Variants in EME2 observed in about 807,000 individuals in gnomAD.
EME2 encodes the protein essential meiotic structure-specific endonuclease subunit 2.
In EME2, 58 loss-of-function variants were observed where a neutral mutation model predicts 41.9. The observed-to-expected ratio is 1.38, with a 90% CI of 1.12 to 1.72. EME2 has a LOEUF of 1.72. Among genes scored for constraint, EME2 ranks in the 40% most tolerant of loss-of-function variants. The pLI is 0.00. For synonymous variants in EME2, 334 were observed against 239.3 expected (o/e 1.40, Z -3.65); for missense variants, 695 against 541.9 (o/e 1.28, Z -2.81).
At position 1,776,741 on chromosome 16, in the gene EME2, T is replaced by C. The variant is rs1247209534; in HGVS notation, c.*503T>C. 1.4e-5 allele frequency: 5 copies of C among 363,682 alleles called. No homozygotes were observed. Among genetic ancestry groups the C allele is most frequent in the Non-Finnish European group, 2.5e-5 (5 of 198,712 alleles). The allele number at this position is 363,682 out of a possible 1,614,324, so 22.5% of individuals were successfully genotyped here. ...TGTTAGACATCAACTCTACATTTAT[T>C]GCAGTCCTTTAAGTCTATGACGGCG... On this transcript the variant is annotated 3_prime_UTR_variant, in exon 8 of 8. Coordinates refer to ENST00000568449, the MANE Select transcript of EME2 (RefSeq NM_001257370.2).
At chr16:1,775,206 G>C (rs1165376776) in intron 4 of EME2, 74 bp downstream of exon 4, 4 of 1,589,054 alleles carry the variant, frequency 2.5e-6, no homozygotes, top group Admixed American at 3.3e-5. Context: ...CACTTCTGGG[G>C]TTGCTGTGGC....
chr16:1,775,575 G>A lies in EME2; in HGVS notation c.670G>A (p.Val224Ile). 6.2e-7 allele frequency: 1 copy of A among 1,612,820 alleles called. No homozygotes were observed. Among genetic ancestry groups the A allele is most frequent in the Non-Finnish European group, 8.5e-7 (1 of 1,179,932 alleles). Residue 224 changes from valine (V) to isoleucine (I), a missense_variant, in exon 6 of 8, where the codon GTA becomes ATA. Physicochemically the swap from Val to Ile is conservative, Grantham distance 29 (BLOSUM62 3). Transcript: ENST00000568449. ...VSWPEVEEAL[V>I]LLQLWANLDV... The stretch of plus-strand genomic sequence containing the variant: ...CAGCTTGCCTCCTCCCCAGGCCCTG[G>A]TACTCCTGCAGCTCTGGGCAAACCT...
Position 1,778,711 on chromosome 16 carries a change from G to A in EME2, c.*2473G>A. Reference sequence around the variant, plus strand: ...CCCACCCTGTCCCTGACCCACCCAGGAAAGGATGGGGGTCCAGGCCTCCAG... The same window carrying A: ...CCCACCCTGTCCCTGACCCACCCAGAAAAGGATGGGGGTCCAGGCCTCCAG... On this transcript the variant is annotated 3_prime_UTR_variant, in exon 8 of 8. Coordinates refer to ENST00000568449, the MANE Select transcript of EME2 (RefSeq NM_001257370.2). The A allele has an allele frequency of 7.4e-7, 1 of 1,360,088 alleles. No individual in the cohort carries two copies. Among genetic ancestry groups the A allele is most frequent in the Non-Finnish European group, 9.8e-7 (1 of 1,021,348 alleles). The allele number at this position is 1,360,088 out of a possible 1,614,324, so 84.3% of individuals were successfully genotyped here.
chr16:1,778,240 A>G lies in EME2; in HGVS notation c.*2002A>G. The stretch of plus-strand genomic sequence containing the variant: ...GGCCGCTGTGCCGCAGCTGTACTCC[A>G]TGTGGAAGCTGACCTTACGGTTGTC... On this transcript the variant is annotated 3_prime_UTR_variant, in exon 8 of 8. Transcript: ENST00000568449. 1.2e-6 allele frequency: 2 copies of G among 1,612,940 alleles called. No individual in the cohort carries two copies. The highest frequency in any genetic ancestry group is 1.7e-6 in the Non-Finnish European group (2 of 1,179,970).
Position 1,781,432 on chromosome 16 carries a change from C to A in EME2, c.*5194C>A, listed in dbSNP as rs772634511. On this transcript the variant is annotated 3_prime_UTR_variant, in exon 8 of 8. Coordinates refer to ENST00000568449, the MANE Select transcript of EME2 (RefSeq NM_001257370.2). ...GCCCGGGCATCTGCGTCTCGGCGGGCTGCACTCAGGACGAAGTGCCAGGCC... is the reference window on the plus strand; with the variant it reads ...GCCCGGGCATCTGCGTCTCGGCGGGATGCACTCAGGACGAAGTGCCAGGCC... The A allele has an allele frequency of 7.4e-6, 12 of 1,612,836 alleles. No individual in the cohort carries two copies. The South Asian group carries it at 1.3e-4, about 18-fold the overall frequency.
rs915013210 is a variant in EME2 at position 1,778,950 on chromosome 16, C to T, written c.*2712C>T. 1 of 222,214 alleles carries T rather than the reference C, an allele frequency of 4.5e-6. No individual in the cohort carries two copies. The highest frequency in any genetic ancestry group is 5.5e-5 in the Admixed American group (1 of 18,054). 13.8% of individuals were successfully genotyped at this position (222,214 alleles called of 1,614,324 possible). ...TGGTGTGGACACCTTCCCTGCTAGG[C>T]CAGCCCTGCAGGGGCCCCCAGGCAA... On this transcript the variant is annotated 3_prime_UTR_variant, in exon 8 of 8. Transcript: ENST00000568449.
At position 1,776,991 on chromosome 16, in the gene EME2, C is replaced by T. The variant is rs932343562; in HGVS notation, c.*753C>T. ...GAGATGGCTCCCTCCGGACGGGCCTCATCCAACTCCGCCCTGGAGTGTGGC... is the reference window on the plus strand; with the variant it reads ...GAGATGGCTCCCTCCGGACGGGCCTTATCCAACTCCGCCCTGGAGTGTGGC... On this transcript the variant is annotated 3_prime_UTR_variant, in exon 8 of 8. Transcript: ENST00000568449. 3 of 1,343,366 alleles carry T rather than the reference C, an allele frequency of 2.2e-6. No homozygotes were observed. The highest frequency in any genetic ancestry group is 2.9e-5 in the African/African-American group (2 of 68,878). 83.2% of individuals were successfully genotyped at this position (1,343,366 alleles called of 1,614,324 possible).
rs1470995690 is a variant in EME2 at position 1,780,257 on chromosome 16, A to G, written c.*4019A>G. The G allele has an allele frequency of 2.0e-5, 3 of 152,396 alleles. No homozygotes were observed. The highest frequency in any genetic ancestry group is 3.8e-4 in the East Asian group (2 of 5,200). 9.4% of individuals were successfully genotyped at this position (152,396 alleles called of 1,614,324 possible). ...GCCAGGAGAGACTGCTCCAGGGCACATGACCTGTGGTAGCTGGAAGTGGGG... is the reference window on the plus strand; with the variant it reads ...GCCAGGAGAGACTGCTCCAGGGCACGTGACCTGTGGTAGCTGGAAGTGGGG... On this transcript the variant is annotated 3_prime_UTR_variant, in exon 8 of 8. Coordinates refer to ENST00000568449, the MANE Select transcript of EME2 (RefSeq NM_001257370.2).
rs762398996 is a variant in EME2 at position 1,773,440 on chromosome 16, G to A, written c.213G>A (p.Gln71=). 3.8e-6 allele frequency: 6 copies of A among 1,572,400 alleles called. No homozygotes were observed. The South Asian group carries it at 5.7e-5, about 15-fold the overall frequency. The change falls in exon 1 of 8, where the codon CAG becomes CAA. Residue 71 remains glutamine, a synonymous_variant. Transcript: ENST00000568449. The stretch of plus-strand genomic sequence containing the variant: ...CGTTGCGGCTGCTGCGGCCGGAGCA[G>A]GTCCTGAAGCGCCTCGCGGTGTGCG... ...AEALRLLRPE[Q]VLKRLAVCVD...
rs773765005 is a variant in EME2, at chr16:1,776,064, C to T, written c.970-4C>T. 4.4e-6 allele frequency: 7 copies of T among 1,607,612 alleles called. No homozygotes were observed. In the South Asian group the frequency reaches 6.6e-5, roughly 15 times the overall value. ...CGCCCTCTCATGCCTTTGCCTGCTC[C>T]TAGGCGCTGGAGGCCTGCAGCACGG... On this transcript the variant is annotated splice_polypyrimidine_tract_variant and splice_region_variant and intron_variant, in intron 7 of 7. Coordinates refer to ENST00000568449, the MANE Select transcript of EME2 (RefSeq NM_001257370.2).
In EME2 at chr16:1,776,591, C is replaced by T. The variant is rs562435178; in HGVS notation, c.*353C>T. 6 of 323,542 alleles carry T rather than the reference C, an allele frequency of 1.9e-5. No homozygotes were observed. The South Asian group carries it at 2.8e-4, about 15-fold the overall frequency. The allele number at this position is 323,542 out of a possible 1,614,324, so 20.0% of individuals were successfully genotyped here. A position where few individuals can be genotyped will look rare whatever the true frequency, so the allele number is the denominator to read the frequency against. ...TGCCACCTGGAGGCTTGGGGTGTGGCACCCTCAGCCAGAAGCAGTAGGGGA... is the reference window on the plus strand; with the variant it reads ...TGCCACCTGGAGGCTTGGGGTGTGGTACCCTCAGCCAGAAGCAGTAGGGGA... On this transcript the variant is annotated 3_prime_UTR_variant, in exon 8 of 8. Coordinates refer to ENST00000568449, the MANE Select transcript of EME2 (RefSeq NM_001257370.2).
intron 6 of EME2, 42 bp from the exon 7 acceptor site, chr16:1,775,755 G>A: frequency 6.2e-7 from 1 of 1,612,348 alleles, no homozygotes; most frequent in Non-Finnish European, 8.5e-7. Flanking sequence ...CCTTTTGGGA[G>A]CTGCTCACAT....
rs1287046054 is a variant in EME2 at position 1,778,816 on chromosome 16, A to G, written c.*2578A>G. ...CTCTGCCCCATTCTGCATGACCAGG[A>G]GGGCCCTGGAGGCCCAGCCACAGAG... On this transcript the variant is annotated 3_prime_UTR_variant, in exon 8 of 8. Transcript: ENST00000568449. 5 of 506,438 alleles carry G rather than the reference A, an allele frequency of 9.9e-6. No individual in the cohort carries two copies. The Admixed American group carries it at 1.5e-4, about 15-fold the overall frequency. 31.4% of individuals were successfully genotyped at this position (506,438 alleles called of 1,614,324 possible).
rs751652697 is a variant in EME2, at chr16:1,773,746, C to G, written c.289C>G (p.Leu97Val). 1 of 1,549,258 alleles carries G rather than the reference C, an allele frequency of 6.5e-7. No homozygotes were observed. Among genetic ancestry groups the G allele is most frequent in the Admixed American group, 2.0e-5 (1 of 51,188 alleles). The stretch of plus-strand genomic sequence containing the variant: ...CGGTGCCGACGTCCTGATGGAGGCC[C>G]TGGAGGCCCTGGGCTGCGAGTGCCG... ...DAGADVLMEA[L>V]EALGCECRIE... is the part of the protein sequence containing the mutation. Residue 97 changes from leucine (L) to valine (V), a missense_variant, in exon 2 of 8, where the codon CTG becomes GTG. By Grantham distance (32) the Leu-to-Val change is conservative (BLOSUM62 1). Transcript: ENST00000568449.
At chr16:1,773,560 G>T (rs2042663597) in intron 1 of EME2, 86 bp downstream of exon 1, 1 of 1,515,258 alleles carries the variant, frequency 6.6e-7, no homozygotes, top group Non-Finnish European at 8.8e-7. Flanking sequence ...GGCGGGGCGC[G>T]CGTGCCGAGG....
At chr16:1,775,517 G>A (rs373890924) in intron 5 of EME2, 52 bp from the exon 6 acceptor site, 1 of 1,602,410 alleles carries the variant, frequency 6.2e-7, no homozygotes, top group African/African-American at 1.3e-5. Context: ...TCAGCTGTGT[G>A]TCCCGGGTAG....
chr16:1,774,143 T>TGTCA, intron 2 of EME2, 117 bp from the exon 3 acceptor site: 1 of 915,830 alleles, frequency 1.1e-6, no homozygotes, highest in East Asian at 2.4e-5. Flanking sequence ...AGAGCAGGCC[T>TGTCA]GTCAGGGCCT....
At position 1,777,487 on chromosome 16, in the gene EME2, CCAGCTACTGGGCG is replaced by C; in HGVS notation, c.*1254_*1266del. ...GCCTGAACCCCAGGCAGGGAAGGGG[CCAGCTACTGGGCG>C]CAGCCCCTCAGACCTCACGCTACAG... On this transcript the variant is annotated 3_prime_UTR_variant, in exon 8 of 8. Coordinates refer to ENST00000568449, the MANE Select transcript of EME2 (RefSeq NM_001257370.2). 1 of 1,453,570 alleles carries C rather than the reference CCAGCTACTGGGCG, an allele frequency of 6.9e-7. No individual in the cohort carries two copies. The highest frequency in any genetic ancestry group is 9.1e-7 in the Non-Finnish European group (1 of 1,102,848). 90.0% of individuals were successfully genotyped at this position (1,453,570 alleles called of 1,614,324 possible).
Position 1,780,846 on chromosome 16 carries a change from G to A in EME2, c.*4608G>A. 3.3e-6 allele frequency: 1 copy of A among 304,972 alleles called. No individual in the cohort carries two copies. Among genetic ancestry groups the A allele is most frequent in the Non-Finnish European group, 6.4e-6 (1 of 156,146 alleles). 18.9% of individuals were successfully genotyped at this position (304,972 alleles called of 1,614,324 possible). A position where few individuals can be genotyped will look rare whatever the true frequency, so the allele number is the denominator to read the frequency against. On this transcript the variant is annotated 3_prime_UTR_variant, in exon 8 of 8. Transcript: ENST00000568449. ...CTCCCTGGCTCAAGCAATCCTCCCA[G>A]CTCAGCCTCCTGAGTCGTTGGGACT...
Sources: allele counts gnomAD v4.1 joint callset, GRCh38; gene constraint gnomAD v4.1.1; transcripts MANE v1.5; gene names NCBI Gene and HGNC (gene_info 2026-07-23, HGNC 2026-07-21).